The following THSD4 variants were observed in gnomAD, a reference collection of about 807,000 sequenced individuals.
The protein encoded by THSD4 is thrombospondin type-1 domain-containing protein 4.
Under a neutral mutation model 119.0 loss-of-function variants are expected in THSD4, and 69 were observed. That is an observed-to-expected ratio of 0.58 (90% CI 0.48 to 0.71). THSD4 has a LOEUF of 0.71. Among genes scored for constraint, THSD4 ranks in the 30% least tolerant of loss-of-function variants. The pLI is 0.00. For synonymous variants in THSD4, 524 were observed against 540.4 expected, an observed-to-expected ratio of 0.97 and a Z score of 0.42; for missense variants, 1,393 against 1,391.1, an observed-to-expected ratio of 1.00 and a Z score of -0.02.
intron 16 of THSD4, among the ~76,000 whole-genome samples, chr15:71,769,928 T>TAAAAAAA (rs1181348692): frequency 2.3e-5 from 1 of 44,300 alleles, no homozygotes; most frequent in African/African-American, 1.4e-4. Flanking sequence ...AAAATAAATT[T>TAAAAAAA]AAAAAAAAAA....
At position 71,365,098 on chromosome 15, in the gene THSD4, T is replaced by C. The variant is rs540134394; in HGVS notation, c.1016-46589T>C. Among the ~76,000 whole-genome samples the C allele has an allele frequency of 2.0e-5, 3 of 147,412 alleles. No individual in the cohort carries two copies. In the South Asian group the frequency reaches 6.5e-4, roughly 32 times the overall value. ...GACCCTTGGAAATGATACTCACTTGTAGTTCACGAAAATATATCCACTGCC... is the reference window on the plus strand; with the variant it reads ...GACCCTTGGAAATGATACTCACTTGCAGTTCACGAAAATATATCCACTGCC... On this transcript the variant is annotated intron_variant, in intron 6 of 17. Coordinates refer to ENST00000261862, the MANE Select transcript of THSD4 (RefSeq NM_024817.3).
chr15:71,513,456 G>T (rs562416274), intron 7 of THSD4, among the ~76,000 whole-genome samples: 1 of 152,298 alleles, frequency 6.6e-6, no homozygotes, highest in African/African-American at 2.4e-5. Context: ...GGCTTAAATT[G>T]ACATTTAGCA....
intron 7 of THSD4, among the ~76,000 whole-genome samples, chr15:71,554,359 T>C (rs904283491): frequency 7.2e-5 from 11 of 151,992 alleles, no homozygotes; most frequent in Admixed American, 2.0e-4. Context: ...CCTCCCAAAG[T>C]GCTGAGATTA....
intron 6 of THSD4, among the ~76,000 whole-genome samples, chr15:71,311,693 A>G (rs2045113398): frequency 6.6e-6 from 1 of 152,206 alleles, no homozygotes; most frequent in South Asian, 2.1e-4. Context: ...GTATCATATA[A>G]TAAAATCTGT....
chr15:71,603,227 A>T (rs977552496), intron 7 of THSD4, among the ~76,000 whole-genome samples: 3 of 152,242 alleles, frequency 2.0e-5, no homozygotes, highest in Non-Finnish European at 4.4e-5. Context: ...GAACACAGAC[A>T]CATTGAAGGG....
rs551214530 is a variant in THSD4, at chr15:71,236,064, C to T, written c.465-6585C>T. Among the ~76,000 whole-genome samples, 11 of 152,272 alleles carry T rather than the reference C, an allele frequency of 7.2e-5. No homozygotes were observed. The East Asian group carries it at 1.5e-3, about 21-fold the overall frequency. ...CCTCTGGTTCCTCGAGGGCAGTCCC[C>T]GGGGCTGCTGCTCTGTGGGATGCTG... is the stretch of plus-strand genomic sequence containing the variant. On this transcript the variant is annotated intron_variant, in intron 4 of 17. Coordinates refer to ENST00000261862, the MANE Select transcript of THSD4 (RefSeq NM_024817.3).
intron 13 of THSD4, 93 bp from the exon 14 acceptor site, chr15:71,748,328 G>A: frequency 6.8e-7 from 1 of 1,474,996 alleles, no homozygotes. Flanking sequence ...CAGTCTCATG[G>A]GGCTGATCAC....
chr15:71,277,632 AAGATTACTACGTGTGACATACATTAC>A (rs2140310600), intron 6 of THSD4, among the ~76,000 whole-genome samples: 1 of 152,276 alleles, frequency 6.6e-6, no homozygotes, highest in South Asian at 2.1e-4. Context: ...ATTTTTCTTT[AAGATTACTACGTGTGACATACATTAC>A]CCTGGAATAG....
intron 7 of THSD4, among the ~76,000 whole-genome samples, chr15:71,523,538 C>A (rs2048473137): frequency 6.6e-6 from 1 of 152,134 alleles, no homozygotes; most frequent in Non-Finnish European, 1.5e-5. Flanking sequence ...TTTTGGGAGA[C>A]CACGCTTCAA....
At chr15:71,721,367 C>T (rs1019357192) in intron 8 of THSD4, among the ~76,000 whole-genome samples, 1 of 152,152 alleles carries the variant, frequency 6.6e-6, no homozygotes, top group Non-Finnish European at 1.5e-5. Flanking sequence ...ATTAGCTGGG[C>T]ATGGTGACGC....
intron 7 of THSD4, among the ~76,000 whole-genome samples, chr15:71,587,618 T>A (rs2049698473): frequency 8.7e-6 from 1 of 114,438 alleles, no homozygotes; most frequent in Non-Finnish European, 2.0e-5. Context: ...CTCTGGGGAC[T>A]GTGGTGGGGT....
intron 7 of THSD4, among the ~76,000 whole-genome samples, chr15:71,534,061 C>T (rs1251473685): frequency 6.6e-6 from 1 of 152,162 alleles, no homozygotes; most frequent in Non-Finnish European, 1.5e-5. Context: ...GATCCCAGCT[C>T]ACCACAGCCT....
chr15:71,216,050 T>C (rs940687142), intron 4 of THSD4, among the ~76,000 whole-genome samples: 1 of 152,222 alleles, frequency 6.6e-6, no homozygotes, highest in Non-Finnish European at 1.5e-5. Flanking sequence ...TATGCCAAAG[T>C]AGGCATTGCG....
At chr15:71,552,695 G>A (rs1264289568) in intron 7 of THSD4, among the ~76,000 whole-genome samples, 1 of 152,222 alleles carries the variant, frequency 6.6e-6, no homozygotes, top group Non-Finnish European at 1.5e-5. Flanking sequence ...CACCCAGGTT[G>A]GAGAGTAGTG....
chr15:71,097,460 G>T (rs993966072), intron 1 of THSD4, among the ~76,000 whole-genome samples: 1 of 151,688 alleles, frequency 6.6e-6, no homozygotes, highest in South Asian at 2.1e-4. Context: ...CAGCTACTCC[G>T]GAGGCTAAGG....
At chr15:71,638,505 A>G (rs1034859077) in intron 7 of THSD4, among the ~76,000 whole-genome samples, 2 of 152,256 alleles carry the variant, frequency 1.3e-5, no homozygotes, top group Non-Finnish European at 2.9e-5. Flanking sequence ...GGCAAGTAGC[A>G]TTCTATGTCT....
chr15:71,782,257 G>GC lies in THSD4; in HGVS notation c.*4883_*4884insC, dbSNP rs1339780056. On this transcript the variant is annotated 3_prime_UTR_variant, in exon 18 of 18. Coordinates refer to ENST00000261862, the MANE Select transcript of THSD4 (RefSeq NM_024817.3). The stretch of plus-strand genomic sequence containing the variant: ...TTTCAGCAGATAATGATGGAGGGGG[G>GC]GGGTGTCCATCGTGCTGAGGGTGTG... 1 of 151,940 alleles carries GC rather than the reference G, an allele frequency of 6.6e-6. No homozygotes were observed. The highest frequency in any genetic ancestry group is 1.5e-5 in the Non-Finnish European group (1 of 67,966). 9.4% of individuals were successfully genotyped at this position (151,940 alleles called of 1,614,324 possible).
At chr15:71,491,893 T>C (rs2047925273) in intron 7 of THSD4, among the ~76,000 whole-genome samples, 1 of 152,006 alleles carries the variant, frequency 6.6e-6, no homozygotes, top group Non-Finnish European at 1.5e-5. Flanking sequence ...AGAAAAGAAA[T>C]AAATTTATTT....
chr15:71,367,507 C>T lies in THSD4; in HGVS notation c.1016-44180C>T, dbSNP rs531043451. The stretch of plus-strand genomic sequence containing the variant: ...GTCCAAGTGTTCTCATTGTTCAATT[C>T]CCACCTATGAGTGAGAACATGCAGT... On this transcript the variant is annotated intron_variant, in intron 6 of 17. Transcript: ENST00000261862. 8.8e-3 allele frequency among the ~76,000 whole-genome samples: 1,347 copies of T among 152,280 alleles called. 21 individuals carry two copies. Among genetic ancestry groups the T allele is most frequent in the African/African-American group, 0.031 (1,268 of 41,552 alleles).
Sources: gnomAD v4.1 joint callset for allele counts (sites outside exome capture counted in the v4.1 genomes callset) on GRCh38, gnomAD v4.1.1 for gene constraint, MANE v1.5 for transcripts, NCBI Gene and HGNC (gene_info 2026-07-23, HGNC 2026-07-21) for gene names.